The following MAMDC2 variants were observed in gnomAD, a reference collection of about 807,000 sequenced individuals.
MAMDC2 encodes the protein MAM domain containing 2.
A neutral mutation model predicts 89.8 loss-of-function variants in MAMDC2; 57 were observed. That is an observed-to-expected ratio of 0.63 (90% CI 0.51 to 0.79). MAMDC2 has a LOEUF of 0.79. Ranked by LOEUF, MAMDC2 falls within the 30% of genes least tolerant of loss-of-function variation. The probability of loss-of-function intolerance (pLI) is 0.00; values close to 1 mark genes in which losing one functional copy is unlikely to be tolerated. For synonymous variants in MAMDC2, 313 were observed against 293.4 expected (o/e 1.07, Z -0.68); for missense variants, 800 against 820.6 (o/e 0.97, Z 0.31).
intron 5 of MAMDC2, among the ~76,000 whole-genome samples, chr9:70,115,328 C>T (rs775910483): frequency 6.6e-6 from 1 of 151,860 alleles, no homozygotes; most frequent in Non-Finnish European, 1.5e-5. Context: ...GTACTTCCTA[C>T]CTTTAAAAGC....
chr9:70,139,122 A>AT (rs1275541473), intron 7 of MAMDC2, among the ~76,000 whole-genome samples: 2 of 150,414 alleles, frequency 1.3e-5, no homozygotes, highest in East Asian at 1.9e-4. Flanking sequence ...TTATTTATTT[A>AT]TTATTATTAT....
intron 2 of MAMDC2, among the ~76,000 whole-genome samples, chr9:70,068,952 A>G (rs1470641746): frequency 6.6e-6 from 1 of 152,218 alleles, no homozygotes; most frequent in Non-Finnish European, 1.5e-5. Flanking sequence ...CAAGGCAGAT[A>G]TAAGGCAAAG....
Position 70,218,397 on chromosome 9 carries a change from C to T in MAMDC2, c.1712C>T (p.Ser571Phe), listed in dbSNP as rs369144017. 4 of 1,614,072 alleles carry T rather than the reference C, an allele frequency of 2.5e-6. No homozygotes were observed. Among genetic ancestry groups the T allele is most frequent in the African/African-American group, 2.7e-5 (2 of 74,938 alleles). ...MVYGQKARLL[S>F]RPLRGVSGKH... ...TATGGACAAAAAGCACGCCTCTTGT[C>T]CAGGCCTCTGCGAGGAGTCTCTGGA... The change falls in exon 12 of 14, where the codon TCC (serine) becomes TTC (phenylalanine). Residue 571 changes from serine to phenylalanine, a missense_variant. Coordinates refer to ENST00000377182, the MANE Select transcript of MAMDC2 (RefSeq NM_153267.5).
chr9:70,116,714 A>AAG (rs2030012524), intron 5 of MAMDC2, among the ~76,000 whole-genome samples: 1 of 148,710 alleles, frequency 6.7e-6, no homozygotes, highest in East Asian at 2.0e-4. Flanking sequence ...AAAAAAAAAA[A>AAG]GAGGACTAAA....
intron 7 of MAMDC2, among the ~76,000 whole-genome samples, chr9:70,133,347 T>C (rs956726250): frequency 6.6e-6 from 1 of 152,220 alleles, no homozygotes; most frequent in Non-Finnish European, 1.5e-5. Flanking sequence ...GTGTGAGCTC[T>C]TTCCTACTAC....
chr9:70,059,109 C>G (rs1314889218), intron 2 of MAMDC2, among the ~76,000 whole-genome samples: 1 of 152,052 alleles, frequency 6.6e-6, no homozygotes, highest in Admixed American at 6.5e-5. Context: ...TAATATTTGC[C>G]TGCTTGGGTT....
intron 11 of MAMDC2, among the ~76,000 whole-genome samples, chr9:70,210,286 C>G (rs1312309436): frequency 3.6e-5 from 2 of 56,132 alleles, no homozygotes; most frequent in Non-Finnish European, 8.2e-5. Context: ...CTTTGTAGGT[C>G]TCTAAGGACT....
intron 9 of MAMDC2, among the ~76,000 whole-genome samples, chr9:70,149,909 G>A (rs867608468): frequency 4.3e-4 from 66 of 152,302 alleles, no homozygotes; most frequent in Middle Eastern, 6.8e-3. Context: ...GTAGCCAAAG[G>A]CCTGTGCAAG....
intron 5 of MAMDC2, among the ~76,000 whole-genome samples, chr9:70,125,173 T>C (rs1433858755): frequency 6.6e-6 from 1 of 152,218 alleles, no homozygotes; most frequent in Non-Finnish European, 1.5e-5. Context: ...CAATGATAGC[T>C]TACCCTTTAT....
chr9:70,100,115 G>C (rs576957906), intron 2 of MAMDC2, among the ~76,000 whole-genome samples: 37 of 152,030 alleles, frequency 2.4e-4, no homozygotes, highest in African/African-American at 7.7e-4. Context: ...CATCAGAAGA[G>C]GATGCTGATC....
chr9:70,179,496 C>G (rs1253497679), intron 11 of MAMDC2, among the ~76,000 whole-genome samples: 1 of 150,326 alleles, frequency 6.7e-6, no homozygotes, highest in Admixed American at 6.7e-5. Context: ...TGCACTCCAG[C>G]CTGGGCAACA....
chr9:70,170,392 A>C, intron 10 of MAMDC2, 87 bp from the exon 11 acceptor site: 1 of 1,452,550 alleles, frequency 6.9e-7, no homozygotes, highest in Non-Finnish European at 9.3e-7. Context: ...ATGGCCAGAC[A>C]ACATTCATAC....
In MAMDC2 at chr9:70,044,203, G is replaced by C. The variant is rs780104868; in HGVS notation, c.6G>C (p.Leu2=). ...ATCCTCCCTGAAACGCGACCATGCT[G>C]TTAAGGGGCGTCCTCCTGGCGTTGC... M[L]LRGVLLALQA... Residue 2 remains leucine, a synonymous_variant, in exon 1 of 14, where the codon CTG becomes CTC. Transcript: ENST00000377182. 1.1e-5 allele frequency: 17 copies of C among 1,613,710 alleles called. No individual in the cohort carries two copies. Among genetic ancestry groups the C allele is most frequent in the Non-Finnish European group, 1.4e-5 (16 of 1,179,952 alleles).
intron 2 of MAMDC2, among the ~76,000 whole-genome samples, chr9:70,054,249 C>A (rs536655935): frequency 6.6e-6 from 1 of 151,942 alleles, no homozygotes; most frequent in Non-Finnish European, 1.5e-5. Flanking sequence ...ATGATATCAC[C>A]CAAGGAGAAT....
chr9:70,174,875 G>A (rs749326030), intron 11 of MAMDC2, among the ~76,000 whole-genome samples: 9 of 151,886 alleles, frequency 5.9e-5, no homozygotes, highest in Non-Finnish European at 1.2e-4. Flanking sequence ...ACAGGTGCCC[G>A]CCACCATGCT....
chr9:70,221,368 T>TAGAGAG (rs2033553284), intron 12 of MAMDC2, among the ~76,000 whole-genome samples: 2 of 7,606 alleles, frequency 2.6e-4, no homozygotes, highest in African/African-American at 7.2e-4. Context: ...TATATATATA[T>TAGAGAG]ATATATATAT....
At chr9:70,076,924 T>G (rs1827545359) in intron 2 of MAMDC2, among the ~76,000 whole-genome samples, 1 of 152,180 alleles carries the variant, frequency 6.6e-6, no homozygotes, top group South Asian at 2.1e-4. Context: ...CCTTGGAGAT[T>G]GTCATATATG....
chr9:70,196,414 A>G (rs1039368194), intron 11 of MAMDC2, among the ~76,000 whole-genome samples: 9 of 152,142 alleles, frequency 5.9e-5, no homozygotes, highest in Admixed American at 4.6e-4. Context: ...TGTGAGTGGA[A>G]GACATGAAAA....
At chr9:70,183,944 G>C (rs2032697085) in intron 11 of MAMDC2, among the ~76,000 whole-genome samples, 2 of 152,076 alleles carry the variant, frequency 1.3e-5, no homozygotes, top group Admixed American at 1.3e-4. Context: ...TGGTTATTGT[G>C]GCTGTTACTT....
Sources: gnomAD v4.1 joint callset for allele counts (sites outside exome capture counted in the v4.1 genomes callset) on GRCh38, gnomAD v4.1.1 for gene constraint, MANE v1.5 for transcripts, NCBI Gene and HGNC (gene_info 2026-07-23, HGNC 2026-07-21) for gene names.